SLC26A5: variants seen among roughly 807,000 people sequenced by gnomAD.
SLC26A5 encodes the protein prestin.
A neutral mutation model predicts 81.0 loss-of-function variants in SLC26A5; 51 were observed. That is an observed-to-expected ratio of 0.63 (90% CI 0.50 to 0.80). The LOEUF (loss-of-function observed/expected upper bound fraction) is 0.80. SLC26A5 is among the 30% of genes least tolerant of loss of function. The probability of loss-of-function intolerance (pLI) is 0.00; values close to 1 mark genes in which losing one functional copy is unlikely to be tolerated. For synonymous variants in SLC26A5, 325 were observed against 332.8 expected (o/e 0.98, Z 0.25); for missense variants, 771 against 905.8 (o/e 0.85, Z 1.91).
intron 19 of SLC26A5, chr7:103,362,242 C>A: frequency 7.0e-7 from 1 of 1,436,660 alleles, no homozygotes; most frequent in Non-Finnish European, 9.1e-7. Flanking sequence ...CTGTCTTCTG[C>A]ATCTGCTTCC....
chr7:103,360,728 A>G (rs1307990770), intron 19 of SLC26A5, among the ~76,000 whole-genome samples: 1 of 152,228 alleles, frequency 6.6e-6, no homozygotes, highest in African/African-American at 2.4e-5. Context: ...AGAAGGGGAA[A>G]GGCGGTTGAC....
At chr7:103,355,724 C>T (rs1484550739) in intron 19 of SLC26A5, 1 of 1,614,040 alleles carries the variant, frequency 6.2e-7, no homozygotes, top group East Asian at 2.2e-5. Flanking sequence ...GGCCTGGCCC[C>T]ACCAGCACTC....
At chr7:103,394,619 C>T (rs1038693804) in intron 9 of SLC26A5, among the ~76,000 whole-genome samples, 3 of 152,128 alleles carry the variant, frequency 2.0e-5, no homozygotes, top group Admixed American at 1.3e-4. Context: ...TGCTCATTTA[C>T]CAAGTACAAA....
chr7:103,369,457 G>C (rs773593088), downstream of SLC26A5: 5 of 152,172 alleles, frequency 3.3e-5, no homozygotes, highest in Non-Finnish European at 5.9e-5. Flanking sequence ...AAGACAACTC[G>C]AATTAGATAA....
chr7:103,408,335 T>C (rs1824220733), intron 7 of SLC26A5, among the ~76,000 whole-genome samples: 1 of 152,164 alleles, frequency 6.6e-6, no homozygotes, highest in African/African-American at 2.4e-5. Context: ...CAAGCAATTC[T>C]CCTGCCTCAG....
chr7:103,366,273 A>T, intron 19 of SLC26A5: 1 of 937,898 alleles, frequency 1.1e-6, no homozygotes, highest in East Asian at 2.4e-5. Flanking sequence ...CAACTCTTCT[A>T]TGAGCTCTGA....
rs1826055562 is a variant in SLC26A5 at position 103,431,176 on chromosome 7, G to A, written c.-53-9609C>T. 2.0e-5 allele frequency among the ~76,000 whole-genome samples: 3 copies of A among 152,124 alleles called. No homozygotes were observed. In the South Asian group the frequency reaches 6.2e-4, roughly 32 times the overall value. The stretch of plus-strand genomic sequence containing the variant: ...GCAAAAATGAAAGAAGAAGCTACTG[G>A]TTGACTAGTCATTTCTTTTTCCAAC... On this transcript the variant is annotated intron_variant, in intron 2 of 19. Transcript: ENST00000306312.
At position 103,428,210 on chromosome 7, in the gene SLC26A5, A is replaced by G. The variant is rs150081570; in HGVS notation, c.-53-6643T>C. Among the ~76,000 whole-genome samples, 381 of 152,278 alleles carry G rather than the reference A, an allele frequency of 2.5e-3. 2 individuals are homozygous for G. The highest frequency in any genetic ancestry group is 9.0e-3 in the African/African-American group (373 of 41,552). On this transcript the variant is annotated intron_variant, in intron 2 of 19. Transcript: ENST00000306312. ...ATCTGTATTTTTTTAAAGCTCATGG[A>G]GTGAGACTGATGCACAACCTATTGG...
At chr7:103,376,215 A>G (rs1377247281) in intron 19 of SLC26A5, among the ~76,000 whole-genome samples, 1 of 151,928 alleles carries the variant, frequency 6.6e-6, no homozygotes, top group Non-Finnish European at 1.5e-5. Flanking sequence ...AGCTGGGATT[A>G]CAGGCATGCG....
Position 103,378,531 on chromosome 7 carries a change from A to G in SLC26A5, c.1700T>C (p.Ile567Thr). The G allele has an allele frequency of 6.2e-7, 1 of 1,614,094 alleles. No homozygotes were observed. Among genetic ancestry groups the G allele is most frequent in the Non-Finnish European group, 8.5e-7 (1 of 1,180,006 alleles). Residue 567 changes from isoleucine (I) to threonine (T), a missense_variant, in exon 17 of 20, where the codon ATC becomes ACC. By Grantham distance (89) the Ile-to-Thr change is moderately conservative (BLOSUM62 -1). Coordinates refer to ENST00000306312, the MANE Select transcript of SLC26A5 (RefSeq NM_198999.3). ...KRKTGVNPAV[I>T]MGARRKAMRK... ...CATGGCCTTTCTCCTTGCTCCCATGATGACTGCTGGGTTCACTCCAGTCTT... is the reference window on the plus strand; with the variant it reads ...CATGGCCTTTCTCCTTGCTCCCATGGTGACTGCTGGGTTCACTCCAGTCTT...
intron 7 of SLC26A5, among the ~76,000 whole-genome samples, chr7:103,409,578 C>T (rs1824313399): frequency 6.6e-6 from 1 of 152,044 alleles, no homozygotes; most frequent in South Asian, 2.1e-4. Flanking sequence ...TCAGTTATTA[C>T]CATTGTTCCT....
At chr7:103,365,578 A>G (rs1820673313) in intron 19 of SLC26A5, among the ~76,000 whole-genome samples, 1 of 152,078 alleles carries the variant, frequency 6.6e-6, no homozygotes, top group South Asian at 2.1e-4. Flanking sequence ...GCACTGAGCC[A>G]AGATCGTGCC....
chr7:103,399,757 T>A (rs910811250), intron 8 of SLC26A5, among the ~76,000 whole-genome samples: 51 of 152,148 alleles, frequency 3.4e-4, no homozygotes, highest in Middle Eastern at 3.2e-3. Flanking sequence ...TGTGTGATGT[T>A]CCCCTGCCTG....
At chr7:103,362,478 T>C in intron 19 of SLC26A5, 1 of 1,397,548 alleles carries the variant, frequency 7.2e-7, no homozygotes, top group Non-Finnish European at 9.3e-7. Context: ...CTCAAAGGTT[T>C]GATTGCTGTT....
At chr7:103,355,345 T>G (rs1819971261) in intron 19 of SLC26A5, among the ~76,000 whole-genome samples, 1 of 152,186 alleles carries the variant, frequency 6.6e-6, no homozygotes, top group South Asian at 2.1e-4. Context: ...TTATAATATT[T>G]GACCTACACA....
chr7:103,444,932 TA>T (rs1480481649), intron 1 of SLC26A5, among the ~76,000 whole-genome samples: 5 of 152,252 alleles, frequency 3.3e-5, no homozygotes, highest in African/African-American at 1.2e-4. Context: ...AAATACATTT[TA>T]AATTTCATTT....
At chr7:103,429,880 C>T (rs1174554580) in intron 2 of SLC26A5, among the ~76,000 whole-genome samples, 1 of 152,216 alleles carries the variant, frequency 6.6e-6, no homozygotes, top group Non-Finnish European at 1.5e-5. Flanking sequence ...CTGTGCCCAT[C>T]CTTTCCCTCT....
chr7:103,415,426 C>G (rs533879170), intron 4 of SLC26A5, among the ~76,000 whole-genome samples: 74 of 152,240 alleles, frequency 4.9e-4, no homozygotes, highest in Non-Finnish European at 8.7e-4. Flanking sequence ...AGCGCTCCCC[C>G]ACCCCCACTT....
chr7:103,435,196 C>T (rs1024581482), intron 2 of SLC26A5: 1 of 152,108 alleles, frequency 6.6e-6, no homozygotes. Flanking sequence ...TGAATAACAT[C>T]ACGCTTTTGT....
Sources: gnomAD v4.1 joint callset for allele counts (sites outside exome capture counted in the v4.1 genomes callset) on GRCh38, gnomAD v4.1.1 for gene constraint, MANE v1.5 for transcripts, NCBI Gene and HGNC (gene_info 2026-07-23, HGNC 2026-07-21) for gene names.